Variants in ITPR2 observed in about 807,000 individuals in gnomAD.
ITPR2 encodes the protein inositol 1,4,5-trisphosphate-gated calcium channel ITPR2.
In ITPR2, 207 loss-of-function variants were observed where a neutral mutation model predicts 317.1. That is an observed-to-expected ratio of 0.65 (90% CI 0.58 to 0.73). The LOEUF (loss-of-function observed/expected upper bound fraction) is 0.73, where lower values mean the gene tolerates loss of function less well. ITPR2 is among the 30% of genes least tolerant of loss of function. The pLI is 0.00. For synonymous variants in ITPR2, 1,156 were observed against 1,149.1 expected (o/e 1.01, Z -0.12); for missense variants, 2,613 against 3,284.0 (o/e 0.80, Z 4.99).
intron 35 of ITPR2, among the ~76,000 whole-genome samples, chr12:26,560,392 A>G (rs925864032): frequency 1.3e-5 from 2 of 152,094 alleles, no homozygotes; most frequent in Non-Finnish European, 2.9e-5. Context: ...AACTTCCAAT[A>G]TACTCAGTAG....
chr12:26,719,511 C>A (rs1948796783), intron 5 of ITPR2, among the ~76,000 whole-genome samples: 1 of 152,162 alleles, frequency 6.6e-6, no homozygotes, highest in African/African-American at 2.4e-5. Context: ...TAGCAGCTAC[C>A]CTTCTTTTGA....
chr12:26,510,004 G>GTGT (rs1555144482), intron 37 of ITPR2, among the ~76,000 whole-genome samples: 66 of 112,128 alleles, frequency 5.9e-4, no homozygotes, highest in Middle Eastern at 4.7e-3. Context: ...GTGTGTGTGT[G>GTGT]GTGGGGGGTG....
intron 55 of ITPR2, among the ~76,000 whole-genome samples, chr12:26,351,532 T>C (rs535443500): frequency 7.9e-5 from 12 of 152,310 alleles, no homozygotes; most frequent in Admixed American, 7.8e-4. Context: ...CACACACATG[T>C]AGTACCAGCT....
intron 37 of ITPR2, among the ~76,000 whole-genome samples, chr12:26,529,467 A>T (rs1943896468): frequency 6.6e-6 from 1 of 152,182 alleles, no homozygotes; most frequent in South Asian, 2.1e-4. Context: ...TCTCTGCCAC[A>T]CAGGACCCTG....
At chr12:26,495,493 A>G (rs1197199798) in intron 37 of ITPR2, 1 of 437,692 alleles carries the variant, frequency 2.3e-6, no homozygotes, top group African/African-American at 2.0e-5. Flanking sequence ...GGAGGTGACG[A>G]ACAGGTTTAT....
At chr12:26,407,236 G>A (rs61914385) in intron 52 of ITPR2, among the ~76,000 whole-genome samples, 25 of 152,144 alleles carry the variant, frequency 1.6e-4, no homozygotes, top group Non-Finnish European at 2.8e-4. Flanking sequence ...TGAAGTGCAG[G>A]TTATAGAGGT....
At chr12:26,763,304 C>CAATA (rs563337792) in intron 2 of ITPR2, among the ~76,000 whole-genome samples, 83 of 151,056 alleles carry the variant, frequency 5.5e-4, no homozygotes, top group African/African-American at 1.9e-3. Flanking sequence ...CCTACCAGTT[C>CAATA]AATAAATAAA....
rs757679974 is a variant in ITPR2, at chr12:26,624,405, A to T, written c.3065-49T>A. On this transcript the variant is annotated intron_variant, in intron 23 of 56. Transcript: ENST00000381340. ...TCTTCTTTATCCTATTTTAATTAGGAGCCATAATAGTCATATTAATATCAA... is the reference window on the plus strand; with the variant it reads ...TCTTCTTTATCCTATTTTAATTAGGTGCCATAATAGTCATATTAATATCAA... 2.4e-6 allele frequency: 3 copies of T among 1,265,582 alleles called. No individual in the cohort carries two copies. In the Admixed American group the frequency reaches 6.0e-5, roughly 25 times the overall value. The allele number at this position is 1,265,582 out of a possible 1,614,324, so 78.4% of individuals were successfully genotyped here.
chr12:26,782,946 A>G (rs981031850), intron 2 of ITPR2, among the ~76,000 whole-genome samples: 1 of 152,212 alleles, frequency 6.6e-6, no homozygotes, highest in Non-Finnish European at 1.5e-5. Flanking sequence ...GACAAGCTTG[A>G]CATGTTCGAC....
intron 55 of ITPR2, among the ~76,000 whole-genome samples, chr12:26,377,130 T>G (rs1939371045): frequency 6.6e-6 from 1 of 152,204 alleles, no homozygotes; most frequent in Non-Finnish European, 1.5e-5. Context: ...ACTGTTTTTC[T>G]AGACATACCT....
At chr12:26,340,999 T>G (rs1045241245) in intron 55 of ITPR2, among the ~76,000 whole-genome samples, 4 of 152,224 alleles carry the variant, frequency 2.6e-5, no homozygotes, top group African/African-American at 9.6e-5. Flanking sequence ...GTTTTGTGTG[T>G]GTGTGTGTTT....
chr12:26,636,905 T>A (rs1946877704), intron 21 of ITPR2, among the ~76,000 whole-genome samples: 1 of 152,204 alleles, frequency 6.6e-6, no homozygotes, highest in Non-Finnish European at 1.5e-5. Flanking sequence ...AATCATGTTT[T>A]CCCACACCAG....
At position 26,707,208 on chromosome 12, in the gene ITPR2, C is replaced by G. The variant is rs60176407; in HGVS notation, c.951+3965G>C. ...AGCATTCTACCATGCTGTGCATTTA[C>G]CAGGCACTGAAGAAACATATATTGA... On this transcript the variant is annotated intron_variant, in intron 9 of 56. Coordinates refer to ENST00000381340, the MANE Select transcript of ITPR2 (RefSeq NM_002223.4). Among the ~76,000 whole-genome samples the G allele has an allele frequency of 2.0e-4, 30 of 152,298 alleles. No homozygotes were observed. In the East Asian group the frequency reaches 3.3e-3, roughly 17 times the overall value.
chr12:26,502,051 G>A (rs1463075423), intron 37 of ITPR2, among the ~76,000 whole-genome samples: 2 of 152,206 alleles, frequency 1.3e-5, no homozygotes, highest in East Asian at 3.8e-4. Flanking sequence ...CAGGGTTGCT[G>A]AGAAGGTTTT....
chr12:26,403,294 C>G lies in ITPR2; in HGVS notation c.7400-3036G>C, dbSNP rs146773860. Among the ~76,000 whole-genome samples the G allele has an allele frequency of 2.6e-3, 394 of 152,240 alleles. 1 individual carries two copies. The highest frequency in any genetic ancestry group is 9.1e-3 in the African/African-American group (380 of 41,546). ...TGAGAGAAGAAACGCAAGAGGGTAC[C>G]AGGTCATAAGGAGACTCACACATCA... On this transcript the variant is annotated intron_variant, in intron 52 of 56. Coordinates refer to ENST00000381340, the MANE Select transcript of ITPR2 (RefSeq NM_002223.4).
At chr12:26,454,301 T>A (rs926577291) in intron 45 of ITPR2, among the ~76,000 whole-genome samples, 5 of 151,916 alleles carry the variant, frequency 3.3e-5, no homozygotes, top group Admixed American at 6.6e-5. Flanking sequence ...GCCTCCCGGG[T>A]TCAAGTGAGT....
Position 26,414,050 on chromosome 12 carries a change from T to TACACACACACACACACAC in ITPR2, c.7306+1235_7306+1252dup, listed in dbSNP as rs777855580. ...AGCAGATAGTCTACATGTATATATG[T>TACACACACACACACACAC]ACACACACACACACACACACACACA... On this transcript the variant is annotated intron_variant, in intron 51 of 56. Transcript: ENST00000381340. 2.8e-4 allele frequency among the ~76,000 whole-genome samples: 39 copies of TACACACACACACACACAC among 138,204 alleles called. 1 individual carries two copies. The highest frequency in any genetic ancestry group is 3.6e-3 in the Middle Eastern group (1 of 278). The allele number at this position is 138,204 out of a possible 152,430, so 90.7% of individuals were successfully genotyped here. A position where few individuals can be genotyped will look rare whatever the true frequency, so the allele number is the denominator to read the frequency against.
intron 40 of ITPR2, chr12:26,486,840 A>G (rs1396660368): frequency 1.5e-6 from 1 of 668,048 alleles, no homozygotes; most frequent in African/African-American, 1.8e-5. Flanking sequence ...ATGAAATCAA[A>G]CATCTTTCAT....
chr12:26,502,057 GT>G (rs1943084378), intron 37 of ITPR2, among the ~76,000 whole-genome samples: 1 of 152,190 alleles, frequency 6.6e-6, no homozygotes, highest in Admixed American at 6.5e-5. Context: ...TGCTGAGAAG[GT>G]TTTGTTAGGA....
Sources: allele counts gnomAD v4.1 joint callset (sites outside exome capture counted in the v4.1 genomes callset), GRCh38; gene constraint gnomAD v4.1.1; transcripts MANE v1.5; gene names NCBI Gene and HGNC (gene_info 2026-07-23, HGNC 2026-07-21).